The following EIF4G3 variants were observed in gnomAD, a reference collection of about 807,000 sequenced individuals.
EIF4G3 encodes eukaryotic translation initiation factor 4 gamma 3.
A neutral mutation model predicts 186.4 loss-of-function variants in EIF4G3; 34 were observed. The ratio of observed to expected loss-of-function variants is 0.18; its 90% CI spans 0.14 to 0.24. EIF4G3 has a LOEUF of 0.24. EIF4G3 is among the 10% of genes least tolerant of loss of function. The pLI, the probability that EIF4G3 is intolerant of heterozygous loss-of-function variation, is 1.00. For missense variants in EIF4G3, 1,536 were observed against 1,948.5 expected (o/e 0.79, Z 3.99); for synonymous variants, 673 against 679.5 (o/e 0.99, Z 0.15).
chr1:21,028,979 C>A (rs200034426), intron 4 of EIF4G3, among the ~76,000 whole-genome samples: 1 of 152,144 alleles, frequency 6.6e-6, no homozygotes, highest in South Asian at 2.1e-4. Context: ...TCCTGGATGC[C>A]GCAAGTGAAT....
At chr1:21,143,993 T>C (rs2097389963) in intron 2 of EIF4G3, among the ~76,000 whole-genome samples, 1 of 152,226 alleles carries the variant, frequency 6.6e-6, no homozygotes, top group Non-Finnish European at 1.5e-5. Flanking sequence ...TTCCAACTCC[T>C]GGTCTCAAGG....
chr1:20,945,534 C>T (rs2095901804), intron 13 of EIF4G3, among the ~76,000 whole-genome samples: 1 of 152,130 alleles, frequency 6.6e-6, no homozygotes, highest in Non-Finnish European at 1.5e-5. Flanking sequence ...GGTGTGATCT[C>T]AGCTCACCGT....
chr1:21,075,494 G>A (rs969104686), intron 3 of EIF4G3, among the ~76,000 whole-genome samples: 5 of 146,278 alleles, frequency 3.4e-5, no homozygotes, highest in Non-Finnish European at 6.0e-5. Context: ...ACTGGAACCC[G>A]GGAGGCGGAG....
At chr1:20,855,418 ATAC>A (rs988700698) in intron 25 of EIF4G3, among the ~76,000 whole-genome samples, 2 of 152,242 alleles carry the variant, frequency 1.3e-5, no homozygotes, top group African/African-American at 4.8e-5. Context: ...AAAAATACAA[ATAC>A]TACAAAATTA....
chr1:20,807,765 T>G (rs1406356102), intron 36 of EIF4G3, among the ~76,000 whole-genome samples: 1 of 141,328 alleles, frequency 7.1e-6, no homozygotes, highest in Non-Finnish European at 1.5e-5. Flanking sequence ...GTTTTTTTTT[T>G]TTTTTTTTTT....
At chr1:21,087,410 C>T (rs1056744709) in intron 3 of EIF4G3, among the ~76,000 whole-genome samples, 1 of 152,040 alleles carries the variant, frequency 6.6e-6, no homozygotes, top group Non-Finnish European at 1.5e-5. Context: ...ATCACTTGAG[C>T]CCAGGAATTT....
intron 4 of EIF4G3, among the ~76,000 whole-genome samples, chr1:21,028,828 A>T (rs2092442151): frequency 6.6e-6 from 1 of 152,228 alleles, no homozygotes; most frequent in South Asian, 2.1e-4. Context: ...AAAGATTATC[A>T]AGCAGCTAAG....
intron 4 of EIF4G3, among the ~76,000 whole-genome samples, chr1:21,026,048 C>T (rs1490853817): frequency 5.3e-5 from 8 of 152,154 alleles, no homozygotes; most frequent in African/African-American, 1.9e-4. Flanking sequence ...CAGAAAAACT[C>T]CCCATCCTGA....
chr1:21,017,485 G>T (rs146021719), intron 4 of EIF4G3, among the ~76,000 whole-genome samples: 4,164 of 152,098 alleles, frequency 0.027, 85 homozygotes, highest in Non-Finnish European at 0.038. Flanking sequence ...AAAATTAGCT[G>T]GGCGTGGTGG....
At chr1:20,869,014 G>A (rs2078362987) in intron 20 of EIF4G3, among the ~76,000 whole-genome samples, 1 of 152,120 alleles carries the variant, frequency 6.6e-6, no homozygotes, top group Non-Finnish European at 1.5e-5. Context: ...TCCCCAAAAG[G>A]ATCAAATTCT....
At chr1:20,966,879 A>T (rs1219325233) in intron 12 of EIF4G3, among the ~76,000 whole-genome samples, 1 of 152,214 alleles carries the variant, frequency 6.6e-6, no homozygotes, top group Non-Finnish European at 1.5e-5. Flanking sequence ...CGTCTCTGTT[A>T]AAAAGCTATT....
At chr1:20,849,198 T>G (rs868042079) in intron 29 of EIF4G3, among the ~76,000 whole-genome samples, 2 of 152,096 alleles carry the variant, frequency 1.3e-5, no homozygotes, top group South Asian at 2.1e-4. Context: ...ACTCATACTC[T>G]CTGCCCACCA....
chr1:20,985,807 A>C (rs926541616), intron 7 of EIF4G3, among the ~76,000 whole-genome samples: 17 of 152,340 alleles, frequency 1.1e-4, no homozygotes, highest in Admixed American at 7.8e-4. Context: ...AATATCTTTT[A>C]TAATATACCA....
At chr1:20,859,636 G>C (rs2075898573) in intron 24 of EIF4G3, among the ~76,000 whole-genome samples, 2 of 152,160 alleles carry the variant, frequency 1.3e-5, no homozygotes, top group Non-Finnish European at 1.5e-5. Flanking sequence ...GTCTCACTCT[G>C]TTCCCCAGGC....
At chr1:21,146,996 C>T (rs930785306) in intron 2 of EIF4G3, among the ~76,000 whole-genome samples, 2 of 152,046 alleles carry the variant, frequency 1.3e-5, no homozygotes, top group African/African-American at 4.8e-5. Context: ...GGGTCAGTGG[C>T]TCCCGCTTAT....
intron 2 of EIF4G3, chr1:21,167,830 G>A (rs749033146): frequency 1.4e-4 from 37 of 260,210 alleles, no homozygotes; most frequent in Non-Finnish European, 2.7e-4. Flanking sequence ...ATATAAAGAT[G>A]AACTTAAAGA....
chr1:20,969,766 A>G (rs757372884), intron 11 of EIF4G3, among the ~76,000 whole-genome samples, 170 bp from the exon 12 acceptor site: 2 of 152,220 alleles, frequency 1.3e-5, no homozygotes, highest in Admixed American at 6.5e-5. Context: ...AATGTAGGCC[A>G]TTAGCTCTGA....
intron 7 of EIF4G3, among the ~76,000 whole-genome samples, chr1:20,990,336 C>T (rs1016733580): frequency 6.6e-6 from 1 of 152,172 alleles, no homozygotes; most frequent in Admixed American, 6.5e-5. Context: ...AAGATTACAA[C>T]TCACTGAAGA....
At chr1:20,977,391 T>C (rs2077071830) in intron 10 of EIF4G3, among the ~76,000 whole-genome samples, 1 of 152,188 alleles carries the variant, frequency 6.6e-6, no homozygotes, top group East Asian at 1.9e-4. Context: ...TTCATCATGT[T>C]GGCCAGGCTG....
Sources: allele counts gnomAD v4.1 joint callset (sites outside exome capture counted in the v4.1 genomes callset), GRCh38; gene constraint gnomAD v4.1.1; transcripts MANE v1.5; gene names NCBI Gene and HGNC (gene_info 2026-07-23, HGNC 2026-07-21).